The following SNTB2 variants were observed in gnomAD, a reference collection of about 807,000 sequenced individuals.
SNTB2 encodes syntrophin beta 2.
A neutral mutation model predicts 46.2 loss-of-function variants in SNTB2; 34 were observed. The ratio of observed to expected loss-of-function variants is 0.74; its 90% CI spans 0.56 to 0.98. The LOEUF (loss-of-function observed/expected upper bound fraction) is 0.98, where lower values mean the gene tolerates loss of function less well. Ranked by LOEUF, SNTB2 falls within the 50% of genes least tolerant of loss-of-function variation. The probability of loss-of-function intolerance (pLI) is 0.00; values close to 1 mark genes in which losing one functional copy is unlikely to be tolerated. For missense variants in SNTB2, 603 were observed against 731.4 expected, an observed-to-expected ratio of 0.82 and a Z score of 2.02; for synonymous variants, 290 against 312.6, an observed-to-expected ratio of 0.93 and a Z score of 0.76.
intron 3 of SNTB2, among the ~76,000 whole-genome samples, chr16:69,264,977 CG>C (rs1278654345): frequency 2.6e-5 from 4 of 152,164 alleles, no homozygotes; most frequent in African/African-American, 9.7e-5. Flanking sequence ...TGGCCGGGCA[CG>C]GTGGCTCATG....
intron 1 of SNTB2, among the ~76,000 whole-genome samples, chr16:69,225,913 G>A (rs908002671): frequency 4.0e-5 from 6 of 150,914 alleles, no homozygotes; most frequent in South Asian, 2.1e-4. Context: ...GATTACAGGC[G>A]CCCGTCTCCA....
intron 1 of SNTB2, among the ~76,000 whole-genome samples, chr16:69,244,471 G>A (rs185985785): frequency 6.6e-6 from 1 of 152,232 alleles, no homozygotes; most frequent in Admixed American, 6.5e-5. Flanking sequence ...TTTGTTTTAT[G>A]TGCATGTATT....
chr16:69,290,236 C>A (rs895691035), intron 5 of SNTB2, among the ~76,000 whole-genome samples: 2 of 152,130 alleles, frequency 1.3e-5, no homozygotes, highest in African/African-American at 2.4e-5. Context: ...CAGCTCTCTT[C>A]CTCAAGTACA....
chr16:69,246,805 G>A (rs187625160), intron 2 of SNTB2, among the ~76,000 whole-genome samples: 2 of 146,924 alleles, frequency 1.4e-5, no homozygotes, highest in East Asian at 2.0e-4. Context: ...TGTATGTGTC[G>A]AGGAATTTAT....
intron 1 of SNTB2, among the ~76,000 whole-genome samples, chr16:69,202,463 C>T (rs1441000147): frequency 6.6e-6 from 1 of 152,060 alleles, no homozygotes; most frequent in Non-Finnish European, 1.5e-5. Context: ...AATGCAGTGG[C>T]ATGATCATAT....
Position 69,270,664 on chromosome 16 carries a change from A to G in SNTB2, c.1148+379A>G, listed in dbSNP as rs1206978030. 4.6e-5 allele frequency among the ~76,000 whole-genome samples: 7 copies of G among 152,312 alleles called. No individual in the cohort carries two copies. In the South Asian group the frequency reaches 1.4e-3, roughly 32 times the overall value. ...GAGTGACGAAATCATTTAAACCAGA[A>G]TGTGGTACTGTGGATAAACCACTTA... On this transcript the variant is annotated intron_variant, in intron 4 of 6. Coordinates refer to ENST00000336278, the MANE Select transcript of SNTB2 (RefSeq NM_006750.4).
intron 1 of SNTB2, among the ~76,000 whole-genome samples, chr16:69,239,277 C>A (rs1439293629): frequency 6.6e-6 from 1 of 152,212 alleles, no homozygotes; most frequent in Admixed American, 6.5e-5. Context: ...TGCTGTGTTT[C>A]ATTTTCCCAT....
intron 4 of SNTB2, among the ~76,000 whole-genome samples, chr16:69,276,663 C>A (rs1964987837): frequency 6.6e-6 from 1 of 152,126 alleles, no homozygotes; most frequent in South Asian, 2.1e-4. Flanking sequence ...ACTTCATGGA[C>A]CTCTGCGGAT....
At chr16:69,197,119 G>A (rs1378235665) in intron 1 of SNTB2, among the ~76,000 whole-genome samples, 1 of 151,916 alleles carries the variant, frequency 6.6e-6, no homozygotes, top group Non-Finnish European at 1.5e-5. Flanking sequence ...GAATATGTAA[G>A]CCCCAAAGAT....
At chr16:69,273,295 A>G (rs564235074) in intron 4 of SNTB2, among the ~76,000 whole-genome samples, 1 of 152,350 alleles carries the variant, frequency 6.6e-6, no homozygotes, top group African/African-American at 2.4e-5. Context: ...TCATAATAGC[A>G]TTATTCACAA....
chr16:69,287,223 CT>C (rs966638632), intron 5 of SNTB2, among the ~76,000 whole-genome samples: 2 of 150,660 alleles, frequency 1.3e-5, no homozygotes, highest in Non-Finnish European at 1.5e-5. Context: ...AAATTTTTTT[CT>C]TTTTTTTTAA....
intron 4 of SNTB2, among the ~76,000 whole-genome samples, chr16:69,273,176 A>C (rs1193252310): frequency 6.6e-6 from 1 of 152,232 alleles, no homozygotes; most frequent in Non-Finnish European, 1.5e-5. Flanking sequence ...GCAGTCTGGC[A>C]GTTTCTCAAA....
At chr16:69,270,401 A>G (rs1567411506) in intron 4 of SNTB2, 116 bp downstream of exon 4, 1 of 1,305,898 alleles carries the variant, frequency 7.7e-7, no homozygotes, top group Non-Finnish European at 1.0e-6. Context: ...AGTAGCGGAT[A>G]TAGTTGATGC....
At chr16:69,266,332 C>G (rs151084528) in intron 3 of SNTB2, among the ~76,000 whole-genome samples, 2 of 152,246 alleles carry the variant, frequency 1.3e-5, no homozygotes, top group African/African-American at 4.8e-5. Flanking sequence ...CCATTGTCCT[C>G]CAGCCTGGGC....
chr16:69,279,112 A>G (rs987158972), intron 4 of SNTB2, among the ~76,000 whole-genome samples: 6 of 152,206 alleles, frequency 3.9e-5, no homozygotes, highest in Admixed American at 3.9e-4. Flanking sequence ...TGTGTAGCAG[A>G]TCTCTAGAAC....
intron 1 of SNTB2, among the ~76,000 whole-genome samples, chr16:69,198,993 C>T (rs1597169117): frequency 6.6e-6 from 1 of 150,454 alleles, no homozygotes; most frequent in Non-Finnish European, 1.5e-5. Context: ...GCCTCCCAGG[C>T]TCAAGTGATT....
chr16:69,236,455 T>G (rs1964561484), intron 1 of SNTB2, among the ~76,000 whole-genome samples: 1 of 152,060 alleles, frequency 6.6e-6, no homozygotes, highest in Non-Finnish European at 1.5e-5. Context: ...AGTAGTCAAA[T>G]TCATAAGGAC....
chr16:69,239,169 A>G (rs1343646647), intron 1 of SNTB2, among the ~76,000 whole-genome samples: 2 of 152,018 alleles, frequency 1.3e-5, no homozygotes, highest in African/African-American at 4.8e-5. Context: ...CCCATCTCCT[A>G]AAGTCTTTGT....
intron 1 of SNTB2, among the ~76,000 whole-genome samples, chr16:69,218,236 A>G (rs536051679): frequency 2.8e-4 from 43 of 152,324 alleles, no homozygotes; most frequent in African/African-American, 9.6e-4. Flanking sequence ...TAATATTAAC[A>G]CATATTGGCT....
Sources: gnomAD v4.1 joint callset for allele counts (sites outside exome capture counted in the v4.1 genomes callset) on GRCh38, gnomAD v4.1.1 for gene constraint, MANE v1.5 for transcripts, NCBI Gene and HGNC (gene_info 2026-07-23, HGNC 2026-07-21) for gene names.